The following ARHGAP26 variants were observed in gnomAD, a reference collection of about 807,000 sequenced individuals.
ARHGAP26 encodes the protein Rho GTPase activating protein 26.
In ARHGAP26, 38 loss-of-function variants were observed where a neutral mutation model predicts 104.8. The observed-to-expected ratio is 0.36, with a 90% CI of 0.28 to 0.48. The LOEUF (loss-of-function observed/expected upper bound fraction) is 0.48. ARHGAP26 is among the 20% of genes least tolerant of loss of function. ARHGAP26 has a pLI of 0.99. For synonymous variants in ARHGAP26, 341 were observed against 340.0 expected (o/e 1.00, Z -0.03); for missense variants, 704 against 947.9 (o/e 0.74, Z 3.38).
intron 12 of ARHGAP26, among the ~76,000 whole-genome samples, chr5:143,026,424 C>G (rs896714869): frequency 6.6e-6 from 1 of 152,064 alleles, no homozygotes; most frequent in African/African-American, 2.4e-5. Flanking sequence ...ATTTTAGATA[C>G]CTGGAGCAGG....
intron 20 of ARHGAP26, chr5:143,169,880 T>C (rs1037285883): frequency 2.0e-5 from 3 of 152,256 alleles, no homozygotes; most frequent in Non-Finnish European, 4.4e-5. Flanking sequence ...AATAGTGTTT[T>C]ATATGATCTC....
rs1272189419 is a variant in ARHGAP26, at chr5:143,087,624, C to A, written c.1538+29877C>A. Among the ~76,000 whole-genome samples the A allele has an allele frequency of 5.4e-5, 7 of 130,184 alleles. No homozygotes were observed. The East Asian group carries it at 1.5e-3, about 28-fold the overall frequency. The allele number at this position is 130,184 out of a possible 152,430, so 85.4% of individuals were successfully genotyped here. A position where few individuals can be genotyped will look rare whatever the true frequency, so the allele number is the denominator to read the frequency against. ...AGAATACTCCTCCTCATCTAATTAACCCTGGCCCATTCTTTTTTTTTTTTT... is the reference window on the plus strand; with the variant it reads ...AGAATACTCCTCCTCATCTAATTAAACCTGGCCCATTCTTTTTTTTTTTTT... On this transcript the variant is annotated intron_variant, in intron 17 of 22. Transcript: ENST00000645722.
At chr5:143,126,083 A>C (rs1475507158) in intron 18 of ARHGAP26, among the ~76,000 whole-genome samples, 3 of 152,240 alleles carry the variant, frequency 2.0e-5, no homozygotes, top group African/African-American at 7.2e-5. Context: ...AGATAGAACT[A>C]ACTATAATAC....
At chr5:143,056,629 A>G (rs536950466) in intron 16 of ARHGAP26, among the ~76,000 whole-genome samples, 1 of 152,276 alleles carries the variant, frequency 6.6e-6, no homozygotes, top group South Asian at 2.1e-4. Flanking sequence ...ATTAAAATAC[A>G]TAGGGATTAG....
At chr5:143,016,470 C>G (rs1363089923) in intron 12 of ARHGAP26, among the ~76,000 whole-genome samples, 3 of 152,030 alleles carry the variant, frequency 2.0e-5, no homozygotes, top group East Asian at 1.9e-4. Context: ...TTTGGGAGGC[C>G]GAGGCGGGCG....
At chr5:143,135,785 A>C (rs1291821258) in intron 19 of ARHGAP26, among the ~76,000 whole-genome samples, 1 of 152,226 alleles carries the variant, frequency 6.6e-6, no homozygotes, top group Non-Finnish European at 1.5e-5. Context: ...TTTCTAGGTC[A>C]ACAGATATAC....
chr5:143,145,525 A>G (rs748330631), intron 19 of ARHGAP26, among the ~76,000 whole-genome samples: 1 of 152,166 alleles, frequency 6.6e-6, no homozygotes. Context: ...TAAATGGCAC[A>G]TCCAATCTCT....
At chr5:143,161,631 T>TA (rs1349869707) in intron 20 of ARHGAP26, among the ~76,000 whole-genome samples, 1 of 152,218 alleles carries the variant, frequency 6.6e-6, no homozygotes, top group Admixed American at 6.5e-5. Context: ...AGCTCAGACT[T>TA]ACTGCTTAAA....
At chr5:143,145,906 A>G (rs1799098764) in intron 19 of ARHGAP26, among the ~76,000 whole-genome samples, 3 of 152,064 alleles carry the variant, frequency 2.0e-5, no homozygotes, top group African/African-American at 2.4e-5. Context: ...AGCATACTTT[A>G]TTTTTACATA....
Position 142,913,232 on chromosome 5 carries a change from A to G in ARHGAP26, c.967A>G (p.Thr323Ala). The change falls in exon 10 of 23, where the codon ACA (threonine) becomes GCA (alanine). Residue 323 changes from threonine (T) to alanine (A), a missense_variant. This residue lies in a region of ARHGAP26 where 287 missense variants were observed against 438.8 expected (regional missense o/e 0.65). Coordinates refer to ENST00000645722, the MANE Select transcript of ARHGAP26 (RefSeq NM_001135608.3). ...EDESVILKSC[T>A]RRKTDSIEKR... The stretch of plus-strand genomic sequence containing the variant: ...TGAATCAGTTATCCTCAAATCCTGC[A>G]CACGGCGGAAAACAGACTCCATTGA... 2 of 1,614,220 alleles carry G rather than the reference A, an allele frequency of 1.2e-6. No homozygotes were observed. The highest frequency in any genetic ancestry group is 1.7e-6 in the Non-Finnish European group (2 of 1,180,018).
chr5:142,921,292 C>T (rs981857097), intron 10 of ARHGAP26, among the ~76,000 whole-genome samples: 3 of 152,194 alleles, frequency 2.0e-5, no homozygotes, highest in African/African-American at 4.8e-5. Flanking sequence ...ATATCTGTCT[C>T]AGGTGATTTG....
intron 1 of ARHGAP26, among the ~76,000 whole-genome samples, chr5:142,869,782 C>A (rs1433089956): frequency 2.0e-5 from 3 of 152,168 alleles, no homozygotes; most frequent in Admixed American, 6.5e-5. Flanking sequence ...AAAGTTGGAT[C>A]TATTTGGGTT....
chr5:143,072,026 C>G (rs1279800824), intron 17 of ARHGAP26, among the ~76,000 whole-genome samples: 2 of 151,892 alleles, frequency 1.3e-5, no homozygotes, highest in Admixed American at 6.6e-5. Context: ...TGTTTGCAAA[C>G]TACTTATCTG....
chr5:142,787,162 C>T (rs780275466), intron 1 of ARHGAP26, among the ~76,000 whole-genome samples: 3 of 152,244 alleles, frequency 2.0e-5, no homozygotes, highest in South Asian at 2.1e-4. Context: ...ACTGCTTAGC[C>T]GTTCTGATGG....
chr5:142,776,809 T>C (rs79102884), intron 1 of ARHGAP26, among the ~76,000 whole-genome samples: 2,941 of 152,322 alleles, frequency 0.019, 76 homozygotes, highest in African/African-American at 0.054. Flanking sequence ...AAGTTTAATT[T>C]AAACTTGTGT....
intron 17 of ARHGAP26, among the ~76,000 whole-genome samples, chr5:143,104,382 GCACCTGTAATCC>G (rs1403427174): frequency 6.6e-6 from 1 of 151,916 alleles, no homozygotes; most frequent in African/African-American, 2.4e-5. Context: ...GTAGTGGCAC[GCACCTGTAATCC>G]CAGCTACCTG....
intron 11 of ARHGAP26, among the ~76,000 whole-genome samples, chr5:143,003,982 C>T (rs1777551650): frequency 7.0e-6 from 1 of 141,986 alleles, no homozygotes; most frequent in Non-Finnish European, 1.5e-5. Flanking sequence ...CAGAGAGACT[C>T]CAGGGATGCC....
At chr5:142,840,164 C>G (rs1197814300) in intron 1 of ARHGAP26, among the ~76,000 whole-genome samples, 1 of 152,098 alleles carries the variant, frequency 6.6e-6, no homozygotes, top group Admixed American at 6.5e-5. Context: ...TAGGTTCATT[C>G]AAGGACTGGG....
At chr5:142,873,823 G>C (rs1755683546) in intron 2 of ARHGAP26, among the ~76,000 whole-genome samples, 1 of 152,130 alleles carries the variant, frequency 6.6e-6, no homozygotes, top group African/African-American at 2.4e-5. Context: ...TAGAGCATAT[G>C]TAGAACACAG....
Sources: gnomAD v4.1 joint callset for allele counts (sites outside exome capture counted in the v4.1 genomes callset) on GRCh38, gnomAD v4.1.1 for gene constraint, gnomAD v4.1.1 regional missense constraint, MANE v1.5 for transcripts, NCBI Gene and HGNC (gene_info 2026-07-23, HGNC 2026-07-21) for gene names.